RBFOX1: variants seen among roughly 807,000 people sequenced by gnomAD.
RBFOX1 encodes the protein RNA binding protein fox-1 homolog 1.
RBFOX1 carries 8 observed loss-of-function variants against 57.7 expected under a neutral mutation model. The ratio of observed to expected loss-of-function variants is 0.14; its 90% confidence interval spans 0.08 to 0.25. The LOEUF (loss-of-function observed/expected upper bound fraction) is 0.25, where lower values mean the gene tolerates loss of function less well. Among genes scored for constraint, RBFOX1 ranks in the 10% least tolerant of loss-of-function variants. The pLI, the probability that RBFOX1 is intolerant of heterozygous loss-of-function variation, is 1.00. For missense variants in RBFOX1, 611 were observed against 548.5 expected (o/e 1.11, Z -1.14); for synonymous variants, 326 against 222.4 (o/e 1.47, Z -4.15).
chr16:6,143,157 A>T (rs1394980154), intron 1 of RBFOX1, among the ~76,000 whole-genome samples: 4 of 152,180 alleles, frequency 2.6e-5, no homozygotes, highest in African/African-American at 4.8e-5. Flanking sequence ...TTTCCCTCTT[A>T]ACGTTTTTGT....
At chr16:6,939,331 C>G (rs2153493255) in intron 3 of RBFOX1, among the ~76,000 whole-genome samples, 1 of 151,836 alleles carries the variant, frequency 6.6e-6, no homozygotes, top group Admixed American at 6.6e-5. Flanking sequence ...TACCTAGAGT[C>G]ACAAATAATA....
intron 3 of RBFOX1, among the ~76,000 whole-genome samples, chr16:6,736,706 C>G (rs943172770): frequency 6.6e-6 from 1 of 152,174 alleles, no homozygotes. Context: ...AATGGTAGTT[C>G]TACTTTTAGT....
At chr16:6,252,162 C>T (rs1268789603) in intron 1 of RBFOX1, among the ~76,000 whole-genome samples, 1 of 152,040 alleles carries the variant, frequency 6.6e-6, no homozygotes, top group Non-Finnish European at 1.5e-5. Context: ...CTGTACCTGT[C>T]TTTGGTTTTG....
chr16:7,208,800 T>C (rs1045517019), intron 4 of RBFOX1, among the ~76,000 whole-genome samples: 3 of 152,136 alleles, frequency 2.0e-5, no homozygotes, highest in African/African-American at 7.2e-5. Context: ...TTGCAGCACT[T>C]GCAATCCAGC....
At chr16:7,585,562 C>T (rs954503970) in intron 6 of RBFOX1, among the ~76,000 whole-genome samples, 1 of 152,132 alleles carries the variant, frequency 6.6e-6, no homozygotes, top group Non-Finnish European at 1.5e-5. Flanking sequence ...TCTGTGATTC[C>T]CCCGGCTGTA....
At chr16:6,322,435 A>C (rs1349921532) in intron 2 of RBFOX1, among the ~76,000 whole-genome samples, 1 of 152,134 alleles carries the variant, frequency 6.6e-6, no homozygotes, top group Non-Finnish European at 1.5e-5. Flanking sequence ...ACTTGGTCTC[A>C]CCAGTTGGGA....
intron 3 of RBFOX1, among the ~76,000 whole-genome samples, chr16:6,941,872 A>G (rs528131142): frequency 2.1e-4 from 32 of 152,162 alleles, no homozygotes; most frequent in Middle Eastern, 6.8e-3. Flanking sequence ...AGTAAGTGCA[A>G]TCATAACTCA....
intron 4 of RBFOX1, among the ~76,000 whole-genome samples, chr16:7,313,937 A>G (rs910172045): frequency 3.3e-5 from 5 of 152,214 alleles, no homozygotes; most frequent in African/African-American, 7.2e-5. Context: ...CGTTGGAAGA[A>G]TAGCTCCAAT....
chr16:7,208,491 A>G (rs2090446918), intron 4 of RBFOX1, among the ~76,000 whole-genome samples: 1 of 152,062 alleles, frequency 6.6e-6, no homozygotes, highest in African/African-American at 2.4e-5. Context: ...GCAGAGATAC[A>G]TAGTGGGAGG....
At chr16:7,269,381 C>A (rs2095261063) in intron 4 of RBFOX1, among the ~76,000 whole-genome samples, 1 of 152,114 alleles carries the variant, frequency 6.6e-6, no homozygotes, top group Non-Finnish European at 1.5e-5. Flanking sequence ...AGCTGCTCAT[C>A]ACCCCCAAAT....
intron 4 of RBFOX1, among the ~76,000 whole-genome samples, chr16:5,973,593 G>C (rs964309684): frequency 2.8e-4 from 43 of 152,186 alleles, no homozygotes; most frequent in Non-Finnish European, 5.4e-4. Context: ...TTTTGTGTCA[G>C]GTTGACTAGG....
intron 3 of RBFOX1, among the ~76,000 whole-genome samples, chr16:6,945,667 G>C (rs1451422139): frequency 6.6e-6 from 1 of 152,018 alleles, no homozygotes; most frequent in Non-Finnish European, 1.5e-5. Context: ...GAGGTGGGTG[G>C]ATTACCTGAG....
chr16:6,920,901 G>T (rs930727450), intron 3 of RBFOX1, among the ~76,000 whole-genome samples: 4 of 152,182 alleles, frequency 2.6e-5, no homozygotes, highest in South Asian at 4.1e-4. Context: ...TGATATCAGG[G>T]ATTAGGACTT....
rs117857130 is a variant in RBFOX1, at chr16:7,533,566, T to A, written c.270+15177T>A. ...CATCATCACTTAGCCTAGCACAACT[T>A]AAAGATACACAGAACACTTGTATGA... On this transcript the variant is annotated intron_variant, in intron 5 of 15. Transcript: ENST00000550418. Among the ~76,000 whole-genome samples the A allele has an allele frequency of 6.2e-3, 944 of 152,286 alleles. 12 individuals carry two copies. The highest frequency in any genetic ancestry group is 8.5e-3 in the Non-Finnish European group (575 of 68,034).
chr16:6,320,931 T>C (rs2081707192), intron 2 of RBFOX1, among the ~76,000 whole-genome samples: 1 of 152,086 alleles, frequency 6.6e-6, no homozygotes, highest in Admixed American at 6.5e-5. Flanking sequence ...GTAGCTGAGA[T>C]TACAGGCACC....
intron 3 of RBFOX1, among the ~76,000 whole-genome samples, chr16:6,915,261 T>C (rs56089219): frequency 0.25 from 37,549 of 151,854 alleles, 4,964 homozygotes; most frequent in Middle Eastern, 0.32. Context: ...TTTCTACTAA[T>C]TCCCTCCAAG....
chr16:6,052,333 T>A (rs1043918024), intron 1 of RBFOX1, among the ~76,000 whole-genome samples: 11 of 152,174 alleles, frequency 7.2e-5, no homozygotes, highest in African/African-American at 2.2e-4. Flanking sequence ...CAGAAATTTA[T>A]GCCAAGGCTC....
chr16:5,675,239 C>A (rs1486653982), intron 3 of RBFOX1, among the ~76,000 whole-genome samples: 2 of 152,090 alleles, frequency 1.3e-5, no homozygotes. Flanking sequence ...CACACGCACA[C>A]CCACCCACAC....
intron 3 of RBFOX1, among the ~76,000 whole-genome samples, chr16:6,907,674 A>C (rs887348203): frequency 6.6e-6 from 1 of 152,078 alleles, no homozygotes; most frequent in Non-Finnish European, 1.5e-5. Flanking sequence ...GGGTTCAAGC[A>C]ATTCTCCTGG....
Sources: gnomAD v4.1 joint callset for allele counts (sites outside exome capture counted in the v4.1 genomes callset) on GRCh38, gnomAD v4.1.1 for gene constraint, MANE v1.5 for transcripts, NCBI Gene and HGNC (gene_info 2026-07-23, HGNC 2026-07-21) for gene names.